The following SRGAP1 variants were observed in gnomAD, a reference collection of about 807,000 sequenced individuals.
The protein encoded by SRGAP1 is SLIT-ROBO Rho GTPase activating protein 1, also known as SLIT-ROBO Rho GTPase-activating protein 1.
In SRGAP1, 43 loss-of-function variants were observed where a neutral mutation model predicts 121.9. The ratio of observed to expected loss-of-function variants is 0.35; its 90% confidence interval spans 0.28 to 0.46. The LOEUF is 0.46. Among genes scored for constraint, SRGAP1 ranks in the 20% least tolerant of loss-of-function variants. The pLI is 1.00. For synonymous variants in SRGAP1, 447 were observed against 485.4 expected, an observed-to-expected ratio of 0.92 and a Z score of 1.04; for missense variants, 1,102 against 1,350.9, an observed-to-expected ratio of 0.82 and a Z score of 2.89.
At chr12:63,894,026 G>A (rs927557466) in intron 1 of SRGAP1, among the ~76,000 whole-genome samples, 1 of 152,128 alleles carries the variant, frequency 6.6e-6, no homozygotes, top group Admixed American at 6.5e-5. Context: ...TTTTAGTAGA[G>A]ACGGGGTTTC....
intron 1 of SRGAP1, among the ~76,000 whole-genome samples, chr12:63,874,768 T>C (rs1899975201): frequency 6.6e-6 from 1 of 152,152 alleles, no homozygotes; most frequent in Non-Finnish European, 1.5e-5. Flanking sequence ...TATAGTGAAC[T>C]CTCAAATATG....
intron 3 of SRGAP1, among the ~76,000 whole-genome samples, chr12:64,006,758 C>A (rs1243055121): frequency 6.6e-6 from 1 of 152,072 alleles, no homozygotes; most frequent in East Asian, 1.9e-4. Context: ...TATTGTCAAC[C>A]ACCAGTGTGT....
intron 1 of SRGAP1, among the ~76,000 whole-genome samples, chr12:63,940,295 T>G (rs1179237884): frequency 6.6e-6 from 1 of 151,628 alleles, no homozygotes; most frequent in East Asian, 1.9e-4. Context: ...GAATTTCTTC[T>G]CTCCTTCCAT....
chr12:63,922,900 G>A (rs1202985131), intron 1 of SRGAP1, among the ~76,000 whole-genome samples: 1 of 152,178 alleles, frequency 6.6e-6, no homozygotes, highest in Admixed American at 6.5e-5. Context: ...TTTAATTACT[G>A]AAAGGACAAA....
At position 64,147,520 on chromosome 12, in the gene SRGAP1, C is replaced by T. The variant is rs761964176; in HGVS notation, c.*4848C>T. On this transcript the variant is annotated 3_prime_UTR_variant, in exon 22 of 22. Transcript: ENST00000355086. The stretch of plus-strand genomic sequence containing the variant: ...CAGACTGTCTCGTTTTCCTTGTAGA[C>T]GTGATTGTGCCTTTCTCACCCCTGT... 4.9e-4 allele frequency: 194 copies of T among 398,600 alleles called. No individual in the cohort carries two copies. Among genetic ancestry groups the T allele is most frequent in the Non-Finnish European group, 7.3e-4 (165 of 226,206 alleles). The allele number at this position is 398,600 out of a possible 1,614,324, so 24.7% of individuals were successfully genotyped here.
chr12:63,883,075 A>T (rs536772333), intron 1 of SRGAP1, among the ~76,000 whole-genome samples: 1 of 152,242 alleles, frequency 6.6e-6, no homozygotes. Context: ...CTTGCAGGAG[A>T]TGCAGGCCCA....
At chr12:63,895,793 T>C (rs1900735400) in intron 1 of SRGAP1, among the ~76,000 whole-genome samples, 1 of 152,198 alleles carries the variant, frequency 6.6e-6, no homozygotes, top group Non-Finnish European at 1.5e-5. Flanking sequence ...CGTTAGCAAC[T>C]AAAAAATATT....
chr12:64,015,124 CT>C (rs970096152), intron 3 of SRGAP1, among the ~76,000 whole-genome samples: 3 of 152,114 alleles, frequency 2.0e-5, no homozygotes, highest in Non-Finnish European at 4.4e-5. Flanking sequence ...GCCATCTTTT[CT>C]TTTTAGACTT....
At chr12:64,084,297 C>T (rs530838899) in intron 10 of SRGAP1, among the ~76,000 whole-genome samples, 28 of 152,046 alleles carry the variant, frequency 1.8e-4, no homozygotes, top group Non-Finnish European at 1.5e-5. Context: ...CAAGTTAAGC[C>T]TGGGTTATTT....
At chr12:63,957,405 T>A (rs1269176537) in intron 1 of SRGAP1, among the ~76,000 whole-genome samples, 1 of 152,122 alleles carries the variant, frequency 6.6e-6, no homozygotes, top group African/African-American at 2.4e-5. Flanking sequence ...CAAATGCCTG[T>A]GGCTGGGCCA....
chr12:63,974,157 C>T (rs1407693338), intron 1 of SRGAP1, among the ~76,000 whole-genome samples: 1 of 152,058 alleles, frequency 6.6e-6, no homozygotes, highest in Non-Finnish European at 1.5e-5. Context: ...CTTTAAACTG[C>T]CCTTTCCTAC....
chr12:63,916,288 G>A (rs1356008435), intron 1 of SRGAP1, among the ~76,000 whole-genome samples: 4 of 152,068 alleles, frequency 2.6e-5, no homozygotes. Context: ...ACCTCCCAAA[G>A]TGCTGGGATT....
At chr12:63,862,523 C>G (rs1441021997) in intron 1 of SRGAP1, among the ~76,000 whole-genome samples, 1 of 152,190 alleles carries the variant, frequency 6.6e-6, no homozygotes, top group Non-Finnish European at 1.5e-5. Flanking sequence ...GCAAACAGCT[C>G]CTTCTCACAG....
At chr12:63,872,661 T>C (rs1277031225) in intron 1 of SRGAP1, among the ~76,000 whole-genome samples, 1 of 152,266 alleles carries the variant, frequency 6.6e-6, no homozygotes, top group Non-Finnish European at 1.5e-5. Flanking sequence ...CAAACAGCTA[T>C]TGAATATCTT....
chr12:63,856,257 TAAA>T (rs1477594400), intron 1 of SRGAP1, among the ~76,000 whole-genome samples: 1 of 67,562 alleles, frequency 1.5e-5, no homozygotes, highest in Non-Finnish European at 2.5e-5. Flanking sequence ...CGTCTCTAAA[TAAA>T]TAAATAAATA....
chr12:63,849,861 G>T (rs779693475), intron 1 of SRGAP1, among the ~76,000 whole-genome samples: 3 of 152,128 alleles, frequency 2.0e-5, no homozygotes, highest in Non-Finnish European at 4.4e-5. Flanking sequence ...TTTCAGTAGC[G>T]ATAATTCACT....
intron 21 of SRGAP1, among the ~76,000 whole-genome samples, chr12:64,131,220 G>C (rs760925677): frequency 6.6e-6 from 1 of 152,176 alleles, no homozygotes; most frequent in Non-Finnish European, 1.5e-5. Flanking sequence ...TCACCCGTTG[G>C]TGAGTACTCA....
intron 12 of SRGAP1, chr12:64,091,999 T>C (rs1389137307): frequency 8.2e-7 from 1 of 1,214,480 alleles, no homozygotes; most frequent in Non-Finnish European, 1.2e-6. Flanking sequence ...CATGCTTGGC[T>C]TTAATTAGAT....
intron 3 of SRGAP1, among the ~76,000 whole-genome samples, chr12:64,006,078 A>T (rs2034073151): frequency 6.6e-6 from 1 of 152,200 alleles, no homozygotes; most frequent in Admixed American, 6.5e-5. Flanking sequence ...ACCTAAGACC[A>T]TGAGAGCACA....
Sources: allele counts gnomAD v4.1 joint callset (sites outside exome capture counted in the v4.1 genomes callset), GRCh38; gene constraint gnomAD v4.1.1; transcripts MANE v1.5; gene names NCBI Gene and HGNC (gene_info 2026-07-23, HGNC 2026-07-21).